Variants in CACNA1A observed in about 807,000 individuals in gnomAD.
CACNA1A encodes calcium voltage-gated channel subunit alpha1 A.
A neutral mutation model predicts 262.4 loss-of-function variants in CACNA1A; 57 were observed. The observed-to-expected ratio is 0.22, with a 90% CI of 0.18 to 0.27. The LOEUF (loss-of-function observed/expected upper bound fraction) is 0.27. CACNA1A is among the 10% of genes least tolerant of loss of function. The pLI is 1.00. For missense variants in CACNA1A, 2,526 were observed against 3,562.8 expected, an observed-to-expected ratio of 0.71 and a Z score of 7.41; for synonymous variants, 1,431 against 1,419.3, an observed-to-expected ratio of 1.01 and a Z score of -0.18.
intron 3 of CACNA1A, among the ~76,000 whole-genome samples, chr19:13,431,043 A>G (rs1025986786): frequency 4.0e-5 from 6 of 150,204 alleles, no homozygotes; most frequent in African/African-American, 1.5e-4. Flanking sequence ...TGGAGAGGAG[A>G]GTGGGAATAG....
chr19:13,344,289 A>C, intron 6 of CACNA1A, among the ~76,000 whole-genome samples: 1 of 152,144 alleles, frequency 6.6e-6, no homozygotes, highest in Non-Finnish European at 1.5e-5. Flanking sequence ...AAAAGCAAGA[A>C]CAAACCAAAC....
intron 19 of CACNA1A, among the ~76,000 whole-genome samples, chr19:13,292,348 C>T (rs1052865229): frequency 1.1e-4 from 17 of 152,216 alleles, no homozygotes; most frequent in Admixed American, 8.5e-4. Flanking sequence ...CAAGGTAGCT[C>T]GCTCCTGTAA....
chr19:13,355,395 A>C (rs2058991762), intron 6 of CACNA1A, among the ~76,000 whole-genome samples: 1 of 152,138 alleles, frequency 6.6e-6, no homozygotes, highest in Admixed American at 6.5e-5. Flanking sequence ...TGTTGTTTTA[A>C]GCTACTCAGT....
At position 13,285,326 on chromosome 19, in the gene CACNA1A, A is replaced by G. The variant is rs1018900421; in HGVS notation, c.3554-120T>C. The G allele has an allele frequency of 1.1e-5, 11 of 1,022,712 alleles. No homozygotes were observed. The Admixed American group carries it at 2.7e-4, about 25-fold the overall frequency. 63.4% of individuals were successfully genotyped at this position (1,022,712 alleles called of 1,614,324 possible). On this transcript the variant is annotated intron_variant, in intron 20 of 46. Transcript: ENST00000360228. ...GACATTTCTAAAGTGCCTGCTGTAT[A>G]TACCAGGCATCTTATGACATCACTG...
chr19:13,382,916 G>GTTA (rs1384797309), intron 3 of CACNA1A, among the ~76,000 whole-genome samples: 1 of 152,170 alleles, frequency 6.6e-6, no homozygotes, highest in Middle Eastern at 3.2e-3. Flanking sequence ...GACCAGATAA[G>GTTA]TTAATCCCAC....
intron 18 of CACNA1A, among the ~76,000 whole-genome samples, 184 bp downstream of exon 18, chr19:13,300,366 T>C (rs1390048561): frequency 1.3e-5 from 2 of 152,150 alleles, no homozygotes; most frequent in East Asian, 3.9e-4. Flanking sequence ...GTTAGAACAG[T>C]GCTGGGTACA....
At chr19:13,402,042 T>C (rs561429946) in intron 3 of CACNA1A, among the ~76,000 whole-genome samples, 2 of 152,358 alleles carry the variant, frequency 1.3e-5, no homozygotes, top group South Asian at 2.1e-4. Context: ...TTTTTGGTTT[T>C]ATTGGTTATT....
chr19:13,309,972 T>C (rs1306363872), intron 12 of CACNA1A, among the ~76,000 whole-genome samples: 2 of 152,086 alleles, frequency 1.3e-5, no homozygotes, highest in African/African-American at 4.8e-5. Context: ...GAGCAGTTAC[T>C]CCCCACTCTC....
chr19:13,483,447 C>G (rs192231919), intron 1 of CACNA1A, among the ~76,000 whole-genome samples: 1 of 152,082 alleles, frequency 6.6e-6, no homozygotes, highest in African/African-American at 2.4e-5. Flanking sequence ...GTCATGTGAC[C>G]CAAGCCTAAG....
At chr19:13,335,574 A>T (rs1047297716) in intron 7 of CACNA1A, among the ~76,000 whole-genome samples, 11 of 152,010 alleles carry the variant, frequency 7.2e-5, no homozygotes, top group African/African-American at 1.2e-4. Context: ...ATTGGTTTTT[A>T]AAAAAAATGT....
intron 30 of CACNA1A, among the ~76,000 whole-genome samples, chr19:13,249,470 C>T (rs530738418): frequency 6.6e-6 from 1 of 152,210 alleles, no homozygotes; most frequent in South Asian, 2.1e-4. Context: ...ATCCTCTCAC[C>T]TCAGCCTCCT....
rs1268966624 is a variant in CACNA1A at position 13,479,086 on chromosome 19, C to A, written c.294-23874G>T. Among the ~76,000 whole-genome samples the A allele has an allele frequency of 1.2e-4, 18 of 152,244 alleles. No homozygotes were observed. In the Middle Eastern group the frequency reaches 0.01, roughly 86 times the overall value. On this transcript the variant is annotated intron_variant, in intron 1 of 46. Transcript: ENST00000360228. The stretch of plus-strand genomic sequence containing the variant: ...CTACTCAGGAGGCTGAGGCAGGAGA[C>A]TCACTTGAATCCGGGAGGTGGAGGT...
chr19:13,348,214 C>G (rs140269461), intron 6 of CACNA1A, among the ~76,000 whole-genome samples: 1 of 152,150 alleles, frequency 6.6e-6, no homozygotes, highest in Non-Finnish European at 1.5e-5. Context: ...TGAGCCACCA[C>G]GCCTGGCCAG....
intron 3 of CACNA1A, among the ~76,000 whole-genome samples, chr19:13,391,120 C>T (rs139451010): frequency 0.014 from 2,092 of 152,158 alleles, 54 homozygotes; most frequent in African/African-American, 0.045. Context: ...CTCCTGACCT[C>T]GTGATTCGCC....
At position 13,253,064 on chromosome 19, in the gene CACNA1A, C is replaced by T. The variant is rs2056444770; in HGVS notation, c.4793G>A (p.Arg1598Gln). 2 of 1,613,494 alleles carry T rather than the reference C, an allele frequency of 1.2e-6. No homozygotes were observed. Among genetic ancestry groups the T allele is most frequent in the Non-Finnish European group, 1.7e-6 (2 of 1,179,624 alleles). ...GGAGGTGAAGACGATGTTGAACACC[C>T]GCAGGGCATTTTCATAAGCAACAGA... is the stretch of plus-strand genomic sequence containing the variant. ...GASVAYENAL[R>Q]VFNIVFTSLF... Residue 1598 changes from arginine (R) to glutamine (Q), a missense_variant, in exon 30 of 47, where the codon CGG becomes CAG. Physicochemically the swap from Arg to Gln is conservative, Grantham distance 43. Around this residue, in one of 17 missense-constraint regions of CACNA1A, gnomAD observed 66 missense variants for 195.8 expected, o/e 0.34. Coordinates refer to ENST00000360228, the MANE Select transcript of CACNA1A (RefSeq NM_001127222.2).
intron 3 of CACNA1A, among the ~76,000 whole-genome samples, chr19:13,431,353 G>A (rs1400002738): frequency 6.6e-6 from 1 of 152,038 alleles, no homozygotes; most frequent in Non-Finnish European, 1.5e-5. Flanking sequence ...GATTCTGAAG[G>A]TAGAGCCAAT....
chr19:13,330,868 C>T (rs1325981514), intron 9 of CACNA1A, among the ~76,000 whole-genome samples: 4 of 152,164 alleles, frequency 2.6e-5, no homozygotes, highest in East Asian at 1.9e-4. Context: ...GGATTACAGG[C>T]GTGAGCCGCC....
intron 3 of CACNA1A, among the ~76,000 whole-genome samples, chr19:13,425,343 T>C (rs942752294): frequency 6.6e-6 from 1 of 152,154 alleles, no homozygotes; most frequent in Admixed American, 6.5e-5. Flanking sequence ...CCCATGGAAC[T>C]GCTGCTTCAA....
chr19:13,426,016 C>T (rs943469082), intron 3 of CACNA1A, among the ~76,000 whole-genome samples: 1 of 152,114 alleles, frequency 6.6e-6, no homozygotes, highest in African/African-American at 2.4e-5. Flanking sequence ...TGATATTGCA[C>T]CACTGCACTC....
Sources: allele counts gnomAD v4.1 joint callset (sites outside exome capture counted in the v4.1 genomes callset), GRCh38; gene constraint gnomAD v4.1.1; regional missense constraint gnomAD v4.1.1; transcripts MANE v1.5; gene names NCBI Gene and HGNC (gene_info 2026-07-23, HGNC 2026-07-21).